Variants in PKNOX2 observed in about 807,000 individuals in gnomAD.
The protein encoded by PKNOX2 is homeobox protein PKNOX2.
PKNOX2 carries 14 observed loss-of-function variants against 53.1 expected under a neutral mutation model. The observed-to-expected ratio is 0.26, with a 90% CI of 0.17 to 0.41. The LOEUF (loss-of-function observed/expected upper bound fraction) is 0.41, where lower values mean the gene tolerates loss of function less well. PKNOX2 is among the 10% of genes least tolerant of loss of function. The pLI is 1.00. For missense variants in PKNOX2, 496 were observed against 602.8 expected, an observed-to-expected ratio of 0.82 and a Z score of 1.85; for synonymous variants, 257 against 242.8, an observed-to-expected ratio of 1.06 and a Z score of -0.54.
At chr11:125,238,432 T>C (rs1239711263) in intron 2 of PKNOX2, among the ~76,000 whole-genome samples, 1 of 152,190 alleles carries the variant, frequency 6.6e-6, no homozygotes, top group African/African-American at 2.4e-5. Flanking sequence ...GGGATGATGT[T>C]ATTATCTCTA....
chr11:125,429,125 C>T, intron 11 of PKNOX2, 37 bp downstream of exon 11: 2 of 1,544,098 alleles, frequency 1.3e-6, no homozygotes, highest in Non-Finnish European at 1.8e-6. Flanking sequence ...CTCCCAGATC[C>T]AGGGGCCACC....
intron 5 of PKNOX2, among the ~76,000 whole-genome samples, chr11:125,380,411 C>T (rs1043660908): frequency 2.1e-5 from 3 of 142,350 alleles, no homozygotes; most frequent in East Asian, 4.6e-4. Flanking sequence ...AGGGGGCGGT[C>T]GGGAGGGAGG....
At chr11:125,259,863 C>CT (rs531549398) in intron 2 of PKNOX2, among the ~76,000 whole-genome samples, 22 of 148,790 alleles carry the variant, frequency 1.5e-4, no homozygotes, top group Admixed American at 2.0e-4. Flanking sequence ...CACCCCCATT[C>CT]TTTTTTTTTT....
chr11:125,413,018 G>T (rs1027653471), intron 10 of PKNOX2, among the ~76,000 whole-genome samples: 1 of 152,184 alleles, frequency 6.6e-6, no homozygotes, highest in Non-Finnish European at 1.5e-5. Context: ...GCACCCAAGA[G>T]ACTGGAAGGA....
intron 2 of PKNOX2, among the ~76,000 whole-genome samples, chr11:125,297,484 G>A (rs747491908): frequency 6.6e-6 from 1 of 152,234 alleles, no homozygotes; most frequent in Non-Finnish European, 1.5e-5. Context: ...TAGTCTGACA[G>A]CATGAGTAGG....
At chr11:125,390,613 C>T (rs1953991649) in intron 6 of PKNOX2, among the ~76,000 whole-genome samples, 1 of 152,236 alleles carries the variant, frequency 6.6e-6, no homozygotes, top group Non-Finnish European at 1.5e-5. Context: ...CTGTTTAATT[C>T]TCACAAGACC....
intron 2 of PKNOX2, among the ~76,000 whole-genome samples, chr11:125,308,973 T>C (rs1352541261): frequency 6.6e-6 from 1 of 152,182 alleles, no homozygotes; most frequent in East Asian, 1.9e-4. Context: ...TTCTTAAGCA[T>C]CCTAGCCTTC....
At chr11:125,238,334 C>T (rs1942893070) in intron 2 of PKNOX2, among the ~76,000 whole-genome samples, 1 of 152,226 alleles carries the variant, frequency 6.6e-6, no homozygotes, top group South Asian at 2.1e-4. Flanking sequence ...GTCTTGGATT[C>T]TTCCACTTAT....
rs972118667 is a variant in PKNOX2 at position 125,432,931 on chromosome 11, A to G, written c.*1539A>G. The G allele has an allele frequency of 6.5e-6, 1 of 152,674 alleles. No individual in the cohort carries two copies. Among genetic ancestry groups the G allele is most frequent in the Non-Finnish European group, 1.5e-5 (1 of 68,040 alleles). 9.5% of individuals were successfully genotyped at this position (152,674 alleles called of 1,614,324 possible). On this transcript the variant is annotated 3_prime_UTR_variant, in exon 13 of 13. Coordinates refer to ENST00000298282, the MANE Select transcript of PKNOX2 (RefSeq NM_001382323.2). ...CTCCCCCACCTGGTTGGGGTAGAGC[A>G]AAAGGATGGTCACTCTTCCGAGGTC...
At chr11:125,351,484 G>T in intron 4 of PKNOX2, 92 bp downstream of exon 4, 1 of 811,806 alleles carries the variant, frequency 1.2e-6, no homozygotes. Flanking sequence ...TCCAGGGGCC[G>T]ACGGGCAGAG....
chr11:125,321,633 C>T (rs1419092711), intron 2 of PKNOX2, among the ~76,000 whole-genome samples: 1 of 152,210 alleles, frequency 6.6e-6, no homozygotes, highest in Admixed American at 6.5e-5. Flanking sequence ...ACGCTGTCAT[C>T]ACAGTGGGAA....
chr11:125,361,441 G>C (rs1951919823), intron 4 of PKNOX2, among the ~76,000 whole-genome samples: 1 of 152,204 alleles, frequency 6.6e-6, no homozygotes, highest in Admixed American at 6.5e-5. Context: ...AGAAGGTAAA[G>C]TTCCATCTTT....
chr11:125,389,410 A>G (rs1953885270), intron 6 of PKNOX2, among the ~76,000 whole-genome samples: 1 of 152,100 alleles, frequency 6.6e-6, no homozygotes, highest in South Asian at 2.1e-4. Flanking sequence ...CCGTACACCC[A>G]CACTCTACCT....
intron 1 of PKNOX2, among the ~76,000 whole-genome samples, chr11:125,196,944 T>C (rs1937769402): frequency 6.6e-6 from 1 of 152,210 alleles, no homozygotes; most frequent in African/African-American, 2.4e-5. Context: ...GGTACTTCCC[T>C]GGGATCACTG....
intron 6 of PKNOX2, among the ~76,000 whole-genome samples, chr11:125,388,713 CCT>C (rs1305701773): frequency 2.6e-5 from 4 of 152,088 alleles, no homozygotes; most frequent in African/African-American, 7.2e-5. Flanking sequence ...TGGCCGCCCC[CCT>C]GTCCCCCAAG....
chr11:125,406,261 C>A (rs3740896), intron 7 of PKNOX2, among the ~76,000 whole-genome samples: 1 of 152,044 alleles, frequency 6.6e-6, no homozygotes, highest in Non-Finnish European at 1.5e-5. Context: ...CTCCATTCCA[C>A]GGCTCTAGAG....
intron 2 of PKNOX2, among the ~76,000 whole-genome samples, chr11:125,306,168 C>T (rs1209567717): frequency 6.6e-6 from 1 of 152,192 alleles, no homozygotes; most frequent in African/African-American, 2.4e-5. Context: ...CCCTCCCCGC[C>T]ACTGGCACTG....
At chr11:125,246,226 C>T (rs1374551625) in intron 2 of PKNOX2, among the ~76,000 whole-genome samples, 1 of 152,172 alleles carries the variant, frequency 6.6e-6, no homozygotes, top group Admixed American at 6.5e-5. Context: ...CTGGCAGGGG[C>T]CTTCTTGCTG....
Position 125,431,431 on chromosome 11 carries a change from G to A in PKNOX2, c.*39G>A. 1 of 1,495,200 alleles carries A rather than the reference G, an allele frequency of 6.7e-7. No homozygotes were observed. The highest frequency in any genetic ancestry group is 9.0e-7 in the Non-Finnish European group (1 of 1,111,584). 92.6% of individuals were successfully genotyped at this position (1,495,200 alleles called of 1,614,324 possible). A position where few individuals can be genotyped will look rare whatever the true frequency, so the allele number is the denominator to read the frequency against. ...ATGGCACTGATCACTGAGCAGGAGA[G>A]GAGTGTCGCCGGGAGGCCTTCAGGG... is the stretch of plus-strand genomic sequence containing the variant. On this transcript the variant is annotated 3_prime_UTR_variant, in exon 13 of 13. Coordinates refer to ENST00000298282, the MANE Select transcript of PKNOX2 (RefSeq NM_001382323.2).
Sources: allele counts gnomAD v4.1 joint callset (sites outside exome capture counted in the v4.1 genomes callset), GRCh38; gene constraint gnomAD v4.1.1; transcripts MANE v1.5; gene names NCBI Gene and HGNC (gene_info 2026-07-23, HGNC 2026-07-21).